Variants in RCL1 observed in about 807,000 individuals in gnomAD.
RCL1 encodes the protein RNA terminal phosphate cyclase like 1, also known as RNA 3'-terminal phosphate cyclase-like protein.
Under a neutral mutation model 42.4 loss-of-function variants are expected in RCL1, and 24 were observed. That is an observed-to-expected ratio of 0.57 (90% CI 0.41 to 0.80). RCL1 has a LOEUF of 0.80. Among genes scored for constraint, RCL1 ranks in the 30% least tolerant of loss-of-function variants. The pLI, the probability that RCL1 is intolerant of heterozygous loss-of-function variation, is 0.00. For synonymous variants in RCL1, 228 were observed against 177.3 expected (o/e 1.29, Z -2.27); for missense variants, 578 against 467.9 (o/e 1.24, Z -2.17).
In RCL1 at chr9:4,811,171, A is replaced by C. The variant is rs1037221622; in HGVS notation, c.137-12377A>C. Among the ~76,000 whole-genome samples, 3 of 151,952 alleles carry C rather than the reference A, an allele frequency of 2.0e-5. No homozygotes were observed. The South Asian group carries it at 6.2e-4, about 31-fold the overall frequency. On this transcript the variant is annotated intron_variant, in intron 1 of 8. Transcript: ENST00000381750. ...GTGGTGCACACCTATTGTCCCAGCT[A>C]CTCAGGAGGCTGAGGTGGGAGGATC...
At chr9:4,818,120 C>T (rs1367322556) in intron 1 of RCL1, among the ~76,000 whole-genome samples, 2 of 151,728 alleles carry the variant, frequency 1.3e-5, no homozygotes, top group Non-Finnish European at 1.5e-5. Flanking sequence ...AGGGTGTCAC[C>T]ATGTTGGCCA....
intron 1 of RCL1, among the ~76,000 whole-genome samples, chr9:4,806,532 T>C (rs1815970618): frequency 6.6e-6 from 1 of 151,544 alleles, no homozygotes; most frequent in Non-Finnish European, 1.5e-5. Flanking sequence ...ATTGCCTTGA[T>C]TGATATTTAA....
intron 1 of RCL1, among the ~76,000 whole-genome samples, chr9:4,798,275 G>C (rs549155495): frequency 2.0e-5 from 3 of 152,344 alleles, no homozygotes; most frequent in South Asian, 2.1e-4. Context: ...AACAGTCTCT[G>C]TATAATGTGA....
At chr9:4,812,723 G>A (rs1380888760) in intron 1 of RCL1, among the ~76,000 whole-genome samples, 1 of 152,036 alleles carries the variant, frequency 6.6e-6, no homozygotes, top group Non-Finnish European at 1.5e-5. Flanking sequence ...TGTAGATAAA[G>A]ATGGAATGTG....
At chr9:4,822,554 A>G (rs2130997987) in intron 1 of RCL1, among the ~76,000 whole-genome samples, 1 of 152,228 alleles carries the variant, frequency 6.6e-6, no homozygotes, top group African/African-American at 2.4e-5. Context: ...TTGGTGGCTC[A>G]CGACTGTAAT....
intron 1 of RCL1, among the ~76,000 whole-genome samples, chr9:4,820,615 G>C (rs1251293971): frequency 6.6e-6 from 1 of 152,136 alleles, no homozygotes; most frequent in Non-Finnish European, 1.5e-5. Flanking sequence ...AAAAATCTGT[G>C]GGGTTTAATC....
intron 1 of RCL1, among the ~76,000 whole-genome samples, chr9:4,793,514 G>C (rs1842866223): frequency 6.6e-6 from 1 of 152,242 alleles, no homozygotes; most frequent in Non-Finnish European, 1.5e-5. Flanking sequence ...CAAATCCCTG[G>C]CGTCGCCCCT....
intron 4 of RCL1, 33 bp from the exon 5 acceptor site, chr9:4,834,108 A>G (rs1817041292): frequency 6.2e-7 from 1 of 1,604,652 alleles, no homozygotes; most frequent in South Asian, 1.1e-5. Context: ...GCTTTGCTGC[A>G]TCCTCGCCTC....
At chr9:4,797,980 C>G (rs1842940689) in intron 1 of RCL1, among the ~76,000 whole-genome samples, 2 of 152,188 alleles carry the variant, frequency 1.3e-5, no homozygotes, top group Admixed American at 6.5e-5. Flanking sequence ...TCTCATTGTA[C>G]TCTTCCTTTC....
At chr9:4,815,023 C>G (rs1002365118) in intron 1 of RCL1, among the ~76,000 whole-genome samples, 1 of 151,490 alleles carries the variant, frequency 6.6e-6, no homozygotes, top group Non-Finnish European at 1.5e-5. Context: ...ATGCCTTTTT[C>G]TCTTGCTGTT....
At chr9:4,815,559 C>A (rs1327701920) in intron 1 of RCL1, among the ~76,000 whole-genome samples, 1 of 151,874 alleles carries the variant, frequency 6.6e-6, no homozygotes. Context: ...CTTCATTTGG[C>A]ACCATGCTGA....
At chr9:4,833,079 C>T (rs1431862670) in intron 3 of RCL1, 75 bp from the exon 4 acceptor site, 1 of 1,011,140 alleles carries the variant, frequency 9.9e-7, no homozygotes, top group East Asian at 2.4e-5. Context: ...GTTGCTAAGC[C>T]TTACTTGTTT....
intron 8 of RCL1, among the ~76,000 whole-genome samples, chr9:4,851,445 C>G (rs1563858752): frequency 6.6e-6 from 1 of 152,188 alleles, no homozygotes; most frequent in African/African-American, 2.4e-5. Flanking sequence ...GTTTCATACT[C>G]TTTCTGCCCC....
intron 8 of RCL1, among the ~76,000 whole-genome samples, chr9:4,851,883 C>CTTTTT (rs1374859963): frequency 3.4e-5 from 1 of 29,722 alleles, no homozygotes; most frequent in African/African-American, 1.4e-4. Flanking sequence ...ATGTGTGAAA[C>CTTTTT]TCTTTTTTTT....
At chr9:4,810,420 A>G (rs1816132932) in intron 1 of RCL1, among the ~76,000 whole-genome samples, 1 of 152,202 alleles carries the variant, frequency 6.6e-6, no homozygotes, top group Non-Finnish European at 1.5e-5. Flanking sequence ...TAATTTTTGT[A>G]AATGGAATCA....
intron 3 of RCL1, among the ~76,000 whole-genome samples, chr9:4,829,054 G>A (rs2131007736): frequency 6.6e-6 from 1 of 152,320 alleles, no homozygotes; most frequent in African/African-American, 2.4e-5. Flanking sequence ...GTACAAGGAT[G>A]AAATGAGTGA....
intron 1 of RCL1, among the ~76,000 whole-genome samples, chr9:4,818,569 C>T (rs1393596634): frequency 6.6e-6 from 1 of 152,090 alleles, no homozygotes; most frequent in Non-Finnish European, 1.5e-5. Context: ...ACTGTCTTGT[C>T]TTCTGGTTAT....
At chr9:4,804,569 T>C (rs1203636752) in intron 1 of RCL1, 1 of 152,580 alleles carries the variant, frequency 6.6e-6, no homozygotes, top group African/African-American at 2.4e-5. Flanking sequence ...TCTCACGCTG[T>C]TGAAGTCCTC....
chr9:4,832,770 T>A (rs1267993901), intron 3 of RCL1, among the ~76,000 whole-genome samples: 1 of 128,184 alleles, frequency 7.8e-6, no homozygotes, highest in Non-Finnish European at 1.5e-5. Flanking sequence ...ATCGCGCCAC[T>A]GCACTCCAGC....
Sources: gnomAD v4.1 joint callset for allele counts (sites outside exome capture counted in the v4.1 genomes callset) on GRCh38, gnomAD v4.1.1 for gene constraint, MANE v1.5 for transcripts, NCBI Gene and HGNC (gene_info 2026-07-23, HGNC 2026-07-21) for gene names.